The following KAT6B variants were observed in gnomAD, a reference collection of about 807,000 sequenced individuals.
The protein encoded by KAT6B is histone acetyltransferase KAT6B.
In KAT6B, 10 loss-of-function variants were observed where a neutral mutation model predicts 187.5. The observed-to-expected ratio is 0.05, with a 90% CI of 0.03 to 0.09. The LOEUF (loss-of-function observed/expected upper bound fraction) is 0.09, where lower values mean the gene tolerates loss of function less well. Among genes scored for constraint, KAT6B ranks in the 10% least tolerant of loss-of-function variants. The probability of loss-of-function intolerance (pLI) is 1.00; values close to 1 mark genes in which losing one functional copy is unlikely to be tolerated. For synonymous variants in KAT6B, 861 were observed against 926.8 expected (o/e 0.93, Z 1.29); for missense variants, 1,952 against 2,558.9 (o/e 0.76, Z 5.12).
chr10:74,904,839 G>A (rs578237087), intron 3 of KAT6B, among the ~76,000 whole-genome samples: 2 of 152,176 alleles, frequency 1.3e-5, no homozygotes, highest in African/African-American at 2.4e-5. Flanking sequence ...GGAATGGGAT[G>A]AGGAGGAATT....
chr10:74,995,590 A>G (rs1236595530), intron 13 of KAT6B, among the ~76,000 whole-genome samples: 1 of 152,188 alleles, frequency 6.6e-6, no homozygotes, highest in Non-Finnish European at 1.5e-5. Flanking sequence ...TCTAACACAA[A>G]ATGTAGCATA....
At chr10:74,830,750 A>ATATATATG (rs1840721218) in intron 1 of KAT6B, among the ~76,000 whole-genome samples, 1 of 20,738 alleles carries the variant, frequency 4.8e-5, no homozygotes, top group African/African-American at 3.6e-4. Context: ...ATATATATAT[A>ATATATATG]TATATATATA....
intron 13 of KAT6B, among the ~76,000 whole-genome samples, chr10:75,009,552 G>C (rs1451673034): frequency 1.3e-5 from 2 of 152,220 alleles, no homozygotes; most frequent in Admixed American, 1.3e-4. Flanking sequence ...ACAGAATAGC[G>C]GTTCATTCCA....
intron 12 of KAT6B, 43 bp downstream of exon 12, chr10:74,985,284 T>C (rs1183034953): frequency 6.2e-7 from 1 of 1,601,150 alleles, no homozygotes; most frequent in African/African-American, 1.3e-5. Flanking sequence ...TTTTTCAAAA[T>C]GTTTTTGGTA....
intron 4 of KAT6B, among the ~76,000 whole-genome samples, chr10:74,961,463 G>A (rs939562344): frequency 1.3e-5 from 2 of 152,114 alleles, no homozygotes; most frequent in African/African-American, 4.8e-5. Flanking sequence ...ATTTGTCTGG[G>A]TGCCTAGACA....
chr10:75,028,825 G>A lies in KAT6B; in HGVS notation c.4001G>A (p.Ser1334Asn), dbSNP rs1172333620. ...NRREETCAPV[S>N]PNTSPGEKPE... ...AGGGAAGAAACATGTGCCCCTGTAAGTCCAAACACATCACCAGGTGAAAAA... is the reference window on the plus strand; with the variant it reads ...AGGGAAGAAACATGTGCCCCTGTAAATCCAAACACATCACCAGGTGAAAAA... Residue 1334 changes from serine (S) to asparagine (N), a missense_variant, in exon 18 of 18, where the codon AGT (serine) becomes AAT (asparagine). Ser to Asn is a conservative substitution (Grantham distance 46). Around this residue, in one of 9 missense-constraint regions of KAT6B, gnomAD observed 758 missense variants for 891.4 expected, o/e 0.85. Transcript: ENST00000287239. The A allele has an allele frequency of 1.9e-6, 3 of 1,613,982 alleles. No individual in the cohort carries two copies. In the South Asian group the frequency reaches 3.3e-5, roughly 18 times the overall value.
At chr10:74,882,136 A>G (rs1280635356) in intron 3 of KAT6B, among the ~76,000 whole-genome samples, 2 of 152,172 alleles carry the variant, frequency 1.3e-5, no homozygotes, top group South Asian at 2.1e-4. Context: ...CTTTAACTTC[A>G]CTTAAGAGCT....
chr10:74,904,682 T>A (rs1846634358), intron 3 of KAT6B, among the ~76,000 whole-genome samples: 1 of 152,236 alleles, frequency 6.6e-6, no homozygotes, highest in Admixed American at 6.5e-5. Flanking sequence ...ATCCAGTCTT[T>A]GGGAGTCCAG....
chr10:75,030,885 A>T lies in KAT6B; in HGVS notation c.6061A>T (p.Met2021Leu), dbSNP rs1477195408. 1 of 1,614,112 alleles carries T rather than the reference A, an allele frequency of 6.2e-7. No individual in the cohort carries two copies. The highest frequency in any genetic ancestry group is 1.7e-5 in the Admixed American group (1 of 60,032). Residue 2021 changes from methionine to leucine, a missense_variant, in exon 18 of 18, where the codon ATG becomes TTG. By Grantham distance (15) the Met-to-Leu change is conservative. Transcript: ENST00000287239. This position sits in a 1 kb window ranked among gnomAD's most constrained non-coding sequence, Gnocchi z 4.8. ...TATGAATCAAACGCCCCAATACCCT[A>T]TGCAGATGCAGATGGGCATGATGGG... ...GYMNQTPQYP[M>L]QMQMGMMGTQ...
intron 12 of KAT6B, among the ~76,000 whole-genome samples, chr10:74,987,375 G>A (rs866820638): frequency 3.9e-5 from 6 of 152,040 alleles, no homozygotes; most frequent in African/African-American, 1.4e-4. Context: ...GGAGGTTGCA[G>A]TGAGCTGAGA....
chr10:74,979,511 T>G (rs1167789469), intron 10 of KAT6B, among the ~76,000 whole-genome samples, 172 bp downstream of exon 10: 7 of 152,156 alleles, frequency 4.6e-5, no homozygotes, highest in Non-Finnish European at 1.0e-4. Context: ...TGGTATTCCT[T>G]GTTCTCGGTA....
rs868685273 is a variant in KAT6B, at chr10:74,947,136, A to G, written c.622-12834A>G. Among the ~76,000 whole-genome samples the G allele has an allele frequency of 3.3e-4, 50 of 152,132 alleles. 1 individual carries two copies. Among genetic ancestry groups the G allele is most frequent in the Admixed American group, 7.9e-4 (12 of 15,260 alleles). ...CTCAGCCTCCCTAGTAGCTGGGATT[A>G]CAGCCGTGTGCTACCACGCCCAGCT... On this transcript the variant is annotated intron_variant, in intron 3 of 17. Coordinates refer to ENST00000287239, the MANE Select transcript of KAT6B (RefSeq NM_012330.4).
intron 3 of KAT6B, among the ~76,000 whole-genome samples, chr10:74,937,727 T>G (rs1049056299): frequency 1.3e-5 from 2 of 152,246 alleles, no homozygotes; most frequent in Non-Finnish European, 2.9e-5. Context: ...TGCATTTTAA[T>G]CATTAACTAA....
rs544863762 is a variant in KAT6B at position 74,935,200 on chromosome 10, A to G, written c.622-24770A>G. 3.5e-4 allele frequency among the ~76,000 whole-genome samples: 53 copies of G among 152,336 alleles called. 1 individual carries two copies. Among genetic ancestry groups the G allele is most frequent in the African/African-American group, 1.2e-3 (48 of 41,582 alleles). On this transcript the variant is annotated intron_variant, in intron 3 of 17. Transcript: ENST00000287239. The stretch of plus-strand genomic sequence containing the variant: ...GGCATGTAGTAAACATGCAATAAAC[A>G]TTTACTGTTATTTATTAATTGGAGA...
At chr10:74,868,665 C>T (rs774515734) in intron 3 of KAT6B, among the ~76,000 whole-genome samples, 9 of 152,188 alleles carry the variant, frequency 5.9e-5, no homozygotes, top group Non-Finnish European at 1.0e-4. Flanking sequence ...CCTTTCGATT[C>T]AGAGCTCACT....
At chr10:74,919,442 C>G (rs1319137563) in intron 3 of KAT6B, among the ~76,000 whole-genome samples, 5 of 151,952 alleles carry the variant, frequency 3.3e-5, no homozygotes, top group Non-Finnish European at 7.4e-5. Context: ...CTCTGTCATC[C>G]AGGCTGGAGT....
intron 13 of KAT6B, among the ~76,000 whole-genome samples, chr10:74,999,171 G>T (rs1162050032): frequency 6.6e-6 from 1 of 152,234 alleles, no homozygotes. Flanking sequence ...TGGAAAAGAG[G>T]CAGGTCCTGT....
intron 3 of KAT6B, among the ~76,000 whole-genome samples, chr10:74,949,018 G>C (rs987275126): frequency 2.0e-5 from 3 of 152,106 alleles, no homozygotes; most frequent in African/African-American, 7.2e-5. Flanking sequence ...CACTGAAGTT[G>C]GGAATCACTA....
chr10:74,912,601 C>T (rs1450236180), intron 3 of KAT6B, among the ~76,000 whole-genome samples: 2 of 152,146 alleles, frequency 1.3e-5, no homozygotes, highest in African/African-American at 4.8e-5. Context: ...TTTGCTTTCT[C>T]CTATCCCTCC....
Sources: allele counts gnomAD v4.1 joint callset (sites outside exome capture counted in the v4.1 genomes callset), GRCh38; gene constraint gnomAD v4.1.1; regional missense constraint gnomAD v4.1.1; non-coding constraint Gnocchi (gnomAD v3.1); transcripts MANE v1.5; gene names NCBI Gene and HGNC (gene_info 2026-07-23, HGNC 2026-07-21).